COX7B2: variants seen among roughly 807,000 people sequenced by gnomAD.
COX7B2 encodes cytochrome c oxidase subunit 7B2, mitochondrial.
For synonymous variants in COX7B2, 37 were observed against 32.1 expected (o/e 1.15, Z -0.51); for missense variants, 109 against 95.9 (o/e 1.14, Z -0.57).
intron 1 of COX7B2, among the ~76,000 whole-genome samples, chr4:46,846,354 T>G (rs1276958824): frequency 1.3e-5 from 2 of 151,732 alleles, no homozygotes; most frequent in Non-Finnish European, 2.9e-5. Flanking sequence ...ATGAATAACC[T>G]ATATAGAATG....
intron 2 of COX7B2, among the ~76,000 whole-genome samples, chr4:46,774,587 C>A (rs1268080774): frequency 6.6e-6 from 1 of 151,958 alleles, no homozygotes; most frequent in African/African-American, 2.4e-5. Context: ...TCTAAAGTGC[C>A]ATTTGTTGGT....
intron 2 of COX7B2, among the ~76,000 whole-genome samples, chr4:46,764,141 T>C (rs1716383836): frequency 6.6e-6 from 1 of 152,220 alleles, no homozygotes; most frequent in African/African-American, 2.4e-5. Context: ...TTAGCATAGT[T>C]GCTTATTATG....
At chr4:46,780,292 T>C (rs1015327676) in intron 2 of COX7B2, among the ~76,000 whole-genome samples, 4 of 151,972 alleles carry the variant, frequency 2.6e-5, no homozygotes, top group African/African-American at 9.7e-5. Context: ...CCGAAGCAGG[T>C]GGATCAGAAG....
chr4:46,804,637 C>T (rs1718889077), intron 2 of COX7B2, among the ~76,000 whole-genome samples: 1 of 152,234 alleles, frequency 6.6e-6, no homozygotes, highest in Non-Finnish European at 1.5e-5. Flanking sequence ...GAGCTAGACA[C>T]AGGGTGCTGC....
At chr4:46,896,363 G>A (rs903998429) in intron 1 of COX7B2, among the ~76,000 whole-genome samples, 1 of 152,076 alleles carries the variant, frequency 6.6e-6, no homozygotes, top group Non-Finnish European at 1.5e-5. Flanking sequence ...TATGCTATTG[G>A]TAGATGTACC....
Position 46,868,478 on chromosome 4 carries a change from G to T in COX7B2, c.-104-23464C>A, listed in dbSNP as rs77378278. Among the ~76,000 whole-genome samples the T allele has an allele frequency of 4.5e-3, 681 of 152,092 alleles. 7 individuals are homozygous for T. The highest frequency in any genetic ancestry group is 0.016 in the African/African-American group (660 of 41,480). ...GTGAAGTTAATATTGTTAATCTGAGGACTATCTAACTTTTTGATGTGGGCA... is the reference window on the plus strand; with the variant it reads ...GTGAAGTTAATATTGTTAATCTGAGTACTATCTAACTTTTTGATGTGGGCA... On this transcript the variant is annotated intron_variant, in intron 1 of 2. Transcript: ENST00000355591.
chr4:46,878,677 AT>A (rs1718506655), intron 1 of COX7B2, among the ~76,000 whole-genome samples: 1 of 152,158 alleles, frequency 6.6e-6, no homozygotes, highest in Admixed American at 6.5e-5. Flanking sequence ...TCAGTTTCCT[AT>A]TATCTTAACG....
Position 46,883,127 on chromosome 4 carries a change from T to C in COX7B2, c.-105+26033A>G, listed in dbSNP as rs537660640. 1.2e-4 allele frequency among the ~76,000 whole-genome samples: 19 copies of C among 152,352 alleles called. No homozygotes were observed. In the South Asian group the frequency reaches 2.1e-3, roughly 17 times the overall value. On this transcript the variant is annotated intron_variant, in intron 1 of 2. Coordinates refer to ENST00000355591, the MANE Select transcript of COX7B2 (RefSeq NM_130902.3). ...CAATTTAATATGTAAGACTGAATCA[T>C]AGGTAAAGCCGGTAGCAATACTACT...
intron 2 of COX7B2, among the ~76,000 whole-genome samples, chr4:46,823,904 GAAA>G (rs912494609): frequency 7.0e-6 from 1 of 143,774 alleles, no homozygotes; most frequent in South Asian, 2.2e-4. Context: ...TATCAGGAAT[GAAA>G]AAAAAAAGAA....
chr4:46,734,889 G>C lies in COX7B2; in HGVS notation c.*58C>G, dbSNP rs1465926909. 1.3e-6 allele frequency: 2 copies of C among 1,579,610 alleles called. No individual in the cohort carries two copies. The highest frequency in any genetic ancestry group is 2.7e-5 in the African/African-American group (2 of 74,184). On this transcript the variant is annotated 3_prime_UTR_variant, in exon 3 of 3. Coordinates refer to ENST00000355591, the MANE Select transcript of COX7B2 (RefSeq NM_130902.3). Reference sequence around the variant, plus strand: ...GTGCTATATTTTAATAAGCAGTAGAGTGCTTACATGACAAGTTGGTTTTTT... The same window carrying C: ...GTGCTATATTTTAATAAGCAGTAGACTGCTTACATGACAAGTTGGTTTTTT...
At chr4:46,871,816 A>G (rs1718010383) in intron 1 of COX7B2, among the ~76,000 whole-genome samples, 2 of 152,134 alleles carry the variant, frequency 1.3e-5, no homozygotes, top group Admixed American at 1.3e-4. Flanking sequence ...CTATTAAAAA[A>G]AATACCAGAT....
intron 2 of COX7B2, among the ~76,000 whole-genome samples, chr4:46,750,340 G>A (rs1397098558): frequency 1.3e-5 from 2 of 152,060 alleles, no homozygotes; most frequent in African/African-American, 4.8e-5. Flanking sequence ...GCTACAGCGA[G>A]CTATGATCAT....
intron 2 of COX7B2, among the ~76,000 whole-genome samples, chr4:46,780,697 T>G (rs1717401716): frequency 1.3e-5 from 2 of 152,220 alleles, no homozygotes; most frequent in African/African-American, 4.8e-5. Flanking sequence ...CTATGGCTTT[T>G]TTACTTGTCT....
chr4:46,904,050 T>G (rs925351626), intron 1 of COX7B2: 31 of 152,206 alleles, frequency 2.0e-4, no homozygotes, highest in African/African-American at 6.5e-4. Flanking sequence ...CTATCATATT[T>G]TTATGACCTT....
intron 2 of COX7B2, among the ~76,000 whole-genome samples, chr4:46,769,594 T>C (rs562052810): frequency 6.6e-6 from 1 of 152,120 alleles, no homozygotes; most frequent in African/African-American, 2.4e-5. Context: ...GGCATGTGCA[T>C]GTAATGCCAG....
chr4:46,813,693 G>T (rs928946789), intron 2 of COX7B2, among the ~76,000 whole-genome samples: 1 of 152,100 alleles, frequency 6.6e-6, no homozygotes, highest in African/African-American at 2.4e-5. Flanking sequence ...TGCACATTCT[G>T]CATGTGTATC....
intron 1 of COX7B2, among the ~76,000 whole-genome samples, chr4:46,881,800 G>C (rs1240058587): frequency 6.6e-6 from 1 of 152,002 alleles, no homozygotes; most frequent in Non-Finnish European, 1.5e-5. Flanking sequence ...GATTTTGGGG[G>C]CCCAAGATAT....
chr4:46,768,772 AT>A lies in COX7B2; in HGVS notation c.-49-33532del, dbSNP rs1451071665. ...AAAAATACACTAGACAATAGTAAAG[AT>A]CAATGAAACTAAAATTAGTTTTCTG... On this transcript the variant is annotated intron_variant, in intron 2 of 2. Transcript: ENST00000355591. Among the ~76,000 whole-genome samples the A allele has an allele frequency of 6.6e-5, 10 of 152,338 alleles. No homozygotes were observed. The East Asian group carries it at 1.9e-3, about 29-fold the overall frequency.
intron 2 of COX7B2, among the ~76,000 whole-genome samples, chr4:46,754,952 A>G (rs547443075): frequency 1.3e-5 from 2 of 151,494 alleles, no homozygotes; most frequent in South Asian, 4.2e-4. Context: ...TGAGGCCAGT[A>G]TCACCCTGAC....
Sources: allele counts gnomAD v4.1 joint callset (sites outside exome capture counted in the v4.1 genomes callset), GRCh38; gene constraint gnomAD v4.1.1; transcripts MANE v1.5; gene names NCBI Gene and HGNC (gene_info 2026-07-23, HGNC 2026-07-21).